Variants in TRPC4 observed in about 807,000 individuals in gnomAD.
TRPC4 encodes transient receptor potential cation channel subfamily C member 4.
In TRPC4, 49 loss-of-function variants were observed where a neutral mutation model predicts 99.4. The ratio of observed to expected loss-of-function variants is 0.49; its 90% confidence interval spans 0.39 to 0.63. The LOEUF (loss-of-function observed/expected upper bound fraction) is 0.63. Among genes scored for constraint, TRPC4 ranks in the 20% least tolerant of loss-of-function variants. The probability of loss-of-function intolerance (pLI) is 0.00; values close to 1 mark genes in which losing one functional copy is unlikely to be tolerated. For missense variants in TRPC4, 898 were observed against 1,152.9 expected (o/e 0.78, Z 3.20); for synonymous variants, 454 against 425.9 (o/e 1.07, Z -0.81).
Position 37,639,034 on chromosome 13 carries a change from G to A in TRPC4, c.2211+6C>T. ...TGCCTCTTGTGATGAAGATGAAAAT[G>A]GTTACCTTAAAGTTCTCTTCGGTCA... On this transcript the variant is annotated splice_donor_region_variant and intron_variant, in intron 10 of 10. Coordinates refer to ENST00000379705, the MANE Select transcript of TRPC4 (RefSeq NM_016179.4). 1 of 1,613,178 alleles carries A rather than the reference G, an allele frequency of 6.2e-7. No individual in the cohort carries two copies. Among genetic ancestry groups the A allele is most frequent in the Admixed American group, 1.7e-5 (1 of 59,968 alleles).
chr13:37,719,563 A>C (rs183414076), intron 3 of TRPC4, among the ~76,000 whole-genome samples: 26 of 152,278 alleles, frequency 1.7e-4, no homozygotes, highest in Non-Finnish European at 3.1e-4. Context: ...CTATTATTTG[A>C]AAAATAAGCA....
chr13:37,645,154 C>G (rs1287157625), intron 8 of TRPC4, among the ~76,000 whole-genome samples: 1 of 151,882 alleles, frequency 6.6e-6, no homozygotes, highest in Non-Finnish European at 1.5e-5. Context: ...GAGGGCATAC[C>G]TGTTGCCACA....
intron 8 of TRPC4, among the ~76,000 whole-genome samples, chr13:37,647,253 G>A (rs773830112): frequency 2.6e-5 from 4 of 152,188 alleles, no homozygotes; most frequent in Non-Finnish European, 2.9e-5. Context: ...GTGTCAGTAA[G>A]TGAACTACAA....
At chr13:37,743,003 A>G (rs1259299314) in intron 3 of TRPC4, among the ~76,000 whole-genome samples, 1 of 152,176 alleles carries the variant, frequency 6.6e-6, no homozygotes, top group Non-Finnish European at 1.5e-5. Flanking sequence ...CTTTGATAGT[A>G]AATGCAAGAT....
intron 7 of TRPC4, among the ~76,000 whole-genome samples, chr13:37,653,805 A>T (rs988693669): frequency 6.6e-6 from 1 of 152,168 alleles, no homozygotes; most frequent in South Asian, 2.1e-4. Flanking sequence ...GCTTCCTTGT[A>T]TCTAGCTTGA....
At chr13:37,760,294 A>T (rs1956189064) in intron 2 of TRPC4, among the ~76,000 whole-genome samples, 1 of 151,896 alleles carries the variant, frequency 6.6e-6, no homozygotes, top group Non-Finnish European at 1.5e-5. Context: ...TAAACTTTCC[A>T]TACAGCTTTT....
Position 37,822,698 on chromosome 13 carries a change from C to T in TRPC4, c.-27-39338G>A, listed in dbSNP as rs1298491469. 2.0e-5 allele frequency among the ~76,000 whole-genome samples: 3 copies of T among 152,042 alleles called. No homozygotes were observed. The East Asian group carries it at 5.8e-4, about 29-fold the overall frequency. ...TTGGACATTTGGGTTGGTTCCAAGT[C>T]TTTGCTATTGTGAATAATGCCGCAA... On this transcript the variant is annotated intron_variant, in intron 1 of 10. Transcript: ENST00000379705.
chr13:37,726,555 G>C (rs538964936), intron 3 of TRPC4, among the ~76,000 whole-genome samples: 4 of 152,122 alleles, frequency 2.6e-5, no homozygotes, highest in Non-Finnish European at 2.9e-5. Flanking sequence ...AGATAGTAAT[G>C]CAGGAAGTAA....
intron 1 of TRPC4, among the ~76,000 whole-genome samples, chr13:37,819,848 A>G (rs911007282): frequency 3.3e-5 from 5 of 152,004 alleles, no homozygotes; most frequent in African/African-American, 1.2e-4. Flanking sequence ...AAACAAAAAA[A>G]GATGTCAAAT....
chr13:37,815,656 G>T (rs1258416662), intron 1 of TRPC4, among the ~76,000 whole-genome samples: 1 of 151,660 alleles, frequency 6.6e-6, no homozygotes, highest in Non-Finnish European at 1.5e-5. Flanking sequence ...AGATAACCAC[G>T]CAATAAAAGT....
intron 1 of TRPC4, among the ~76,000 whole-genome samples, chr13:37,796,929 A>AAAAATAAAATAAAATAAAATAAAAT (rs1193921345): frequency 0.05 from 2,031 of 40,898 alleles, 130 homozygotes; most frequent in African/African-American, 0.08. Context: ...TCCTCTCTAC[A>AAAAATAAAATAAAATAAAATAAAAT]AAAATAAAAT....
At chr13:37,734,072 A>G (rs771196113) in intron 3 of TRPC4, among the ~76,000 whole-genome samples, 2 of 152,152 alleles carry the variant, frequency 1.3e-5, no homozygotes, top group Non-Finnish European at 2.9e-5. Context: ...GAGGACAGAA[A>G]GGTCACTGAA....
chr13:37,698,310 C>T (rs1407197567), intron 3 of TRPC4, among the ~76,000 whole-genome samples: 2 of 150,678 alleles, frequency 1.3e-5, no homozygotes, highest in Non-Finnish European at 1.5e-5. Flanking sequence ...TACAGGTGCC[C>T]GCCACCACAC....
Position 37,835,038 on chromosome 13 carries a change from T to TG in TRPC4, c.-28+34556dup, listed in dbSNP as rs768851794. Among the ~76,000 whole-genome samples, 359 of 134,036 alleles carry TG rather than the reference T, an allele frequency of 2.7e-3. 1 individual carries two copies. The highest frequency in any genetic ancestry group is 4.4e-3 in the Non-Finnish European group (272 of 62,182). The allele number at this position is 134,036 out of a possible 152,430, so 87.9% of individuals were successfully genotyped here. ...GCATGAACCACCAGCAGGCCCAGCC[T>TG]GTTTTTTTTTTTAATTTTTTTTTTA... is the stretch of plus-strand genomic sequence containing the variant. On this transcript the variant is annotated intron_variant, in intron 1 of 10. Transcript: ENST00000379705.
intron 3 of TRPC4, among the ~76,000 whole-genome samples, chr13:37,719,339 C>T (rs1187948113): frequency 6.6e-6 from 1 of 151,756 alleles, no homozygotes; most frequent in South Asian, 2.1e-4. Flanking sequence ...CAGAGTGAGA[C>T]CATGTCTTAT....
intron 1 of TRPC4, among the ~76,000 whole-genome samples, chr13:37,794,141 AACTT>A (rs1474704513): frequency 2.0e-5 from 3 of 152,120 alleles, no homozygotes; most frequent in African/African-American, 7.2e-5. Context: ...ACAATGAAAA[AACTT>A]ACACTAAAAA....
chr13:37,777,090 TCTC>T (rs1221300104), intron 2 of TRPC4, among the ~76,000 whole-genome samples: 2 of 151,874 alleles, frequency 1.3e-5, no homozygotes, highest in African/African-American at 4.8e-5. Flanking sequence ...TCAAAAAAAA[TCTC>T]CTATATGCAC....
rs145746170 is a variant in TRPC4 at position 37,633,941 on chromosome 13, C to A, written c.*2962G>T. ...CTTTATTACGAATAATGAGGTACAT[C>A]TTTATAGCATACTTTCTTATAAATG... On this transcript the variant is annotated 3_prime_UTR_variant, in exon 11 of 11. Transcript: ENST00000379705. 1.1e-3 allele frequency among the ~76,000 whole-genome samples: 172 copies of A among 152,116 alleles called. 5 individuals carry two copies. The East Asian group carries it at 0.028, about 25-fold the overall frequency.
At chr13:37,801,035 G>T (rs1957387258) in intron 1 of TRPC4, among the ~76,000 whole-genome samples, 1 of 151,800 alleles carries the variant, frequency 6.6e-6, no homozygotes, top group Non-Finnish European at 1.5e-5. Context: ...AAATAATCAA[G>T]CATTTTGTTG....
Sources: gnomAD v4.1 joint callset for allele counts (sites outside exome capture counted in the v4.1 genomes callset) on GRCh38, gnomAD v4.1.1 for gene constraint, MANE v1.5 for transcripts, NCBI Gene and HGNC (gene_info 2026-07-23, HGNC 2026-07-21) for gene names.